Variants in DNMBP observed in about 807,000 individuals in gnomAD.
DNMBP encodes dynamin-binding protein.
DNMBP carries 87 observed loss-of-function variants against 150.0 expected under a neutral mutation model. The ratio of observed to expected loss-of-function variants is 0.58; its 90% CI spans 0.49 to 0.69. DNMBP has a LOEUF of 0.69. Among genes scored for constraint, DNMBP ranks in the 30% least tolerant of loss-of-function variants. DNMBP has a pLI of 0.00. For synonymous variants in DNMBP, 711 were observed against 750.4 expected, an observed-to-expected ratio of 0.95 and a Z score of 0.86; for missense variants, 1,774 against 1,949.0, an observed-to-expected ratio of 0.91 and a Z score of 1.69.
intron 4 of DNMBP, among the ~76,000 whole-genome samples, chr10:99,916,545 T>A (rs1168895619): frequency 4.1e-4 from 63 of 152,168 alleles, no homozygotes; most frequent in Admixed American, 4.1e-3. Context: ...GCAGAAATTA[T>A]GTGAAATGAA....
chr10:99,982,316 C>T (rs369392423), intron 1 of DNMBP, among the ~76,000 whole-genome samples: 1 of 151,930 alleles, frequency 6.6e-6, no homozygotes, highest in African/African-American at 2.4e-5. Context: ...TGGTAGTGCA[C>T]GCCTGTAGTC....
Position 99,966,788 on chromosome 10 carries a change from G to GT in DNMBP, c.268+2326dup, listed in dbSNP as rs944241729. Among the ~76,000 whole-genome samples the GT allele has an allele frequency of 6.2e-3, 910 of 147,652 alleles. 11 individuals are homozygous for GT. Among genetic ancestry groups the GT allele is most frequent in the Middle Eastern group, 0.024 (7 of 290 alleles). On this transcript the variant is annotated intron_variant, in intron 3 of 16. Transcript: ENST00000324109. ...GCGTTTTCTCTCGTTAATACGTTTT[G>GT]TTTTTTTTTTGAAACAAGGTCTTGT...
At chr10:99,985,918 T>A (rs1004793286) in intron 1 of DNMBP, among the ~76,000 whole-genome samples, 1 of 152,084 alleles carries the variant, frequency 6.6e-6, no homozygotes, top group Non-Finnish European at 1.5e-5. Flanking sequence ...GCCTGGCTAA[T>A]TTTTTATATT....
chr10:99,987,579 T>G (rs2040842567), intron 1 of DNMBP, among the ~76,000 whole-genome samples: 3 of 151,622 alleles, frequency 2.0e-5, no homozygotes, highest in Admixed American at 2.0e-4. Context: ...ACTAAAAATA[T>G]AAAAATTAGC....
At chr10:99,942,861 A>G (rs1011449635) in intron 4 of DNMBP, among the ~76,000 whole-genome samples, 5 of 152,206 alleles carry the variant, frequency 3.3e-5, no homozygotes, top group Admixed American at 1.3e-4. Context: ...CTCTGAGCTC[A>G]TTTTTACTGA....
chr10:99,878,153 G>C (rs1035466853), intron 16 of DNMBP, among the ~76,000 whole-genome samples: 1 of 152,172 alleles, frequency 6.6e-6, no homozygotes, highest in Non-Finnish European at 1.5e-5. Context: ...GGTGGAAGAC[G>C]AGCATACTCT....
intron 4 of DNMBP, among the ~76,000 whole-genome samples, chr10:99,953,804 ACT>A (rs1053282048): frequency 6.7e-6 from 1 of 150,340 alleles, no homozygotes; most frequent in African/African-American, 2.4e-5. Flanking sequence ...ACAGAGTAAG[ACT>A]CTGTCTCAAA....
At chr10:99,981,725 G>A (rs1237023363) in intron 1 of DNMBP, among the ~76,000 whole-genome samples, 1 of 152,148 alleles carries the variant, frequency 6.6e-6, no homozygotes, top group Non-Finnish European at 1.5e-5. Context: ...CACCAGAACT[G>A]AACAAGGCCT....
At chr10:99,943,298 CAA>C (rs796198897) in intron 4 of DNMBP, among the ~76,000 whole-genome samples, 1 of 137,944 alleles carries the variant, frequency 7.2e-6, no homozygotes. Flanking sequence ...AAAAAACCAA[CAA>C]AAAAAAAAAA....
intron 4 of DNMBP, among the ~76,000 whole-genome samples, chr10:99,950,186 C>G (rs568673825): frequency 6.6e-5 from 10 of 152,350 alleles, no homozygotes; most frequent in African/African-American, 2.4e-4. Flanking sequence ...CGCACAAGCT[C>G]TCTCTTTGCC....
At chr10:99,904,114 G>T (rs1167043298) in intron 6 of DNMBP, among the ~76,000 whole-genome samples, 2 of 152,070 alleles carry the variant, frequency 1.3e-5, no homozygotes, top group African/African-American at 2.4e-5. Flanking sequence ...AATTAGCTGG[G>T]TGTGGTGGTA....
Position 99,909,070 on chromosome 10 carries a change from C to A in DNMBP, c.2337G>T (p.Gln779His), listed in dbSNP as rs774576630. Residue 779 changes from glutamine to histidine, a missense_variant, in exon 5 of 17, where the codon CAG (glutamine) becomes CAT (histidine). By Grantham distance (24) the Gln-to-His change is conservative. Coordinates refer to ENST00000324109, the MANE Select transcript of DNMBP (RefSeq NM_015221.4). ...SGSVSAENPEQRMLEKRAKVI... is the reference protein window; with the variant it reads ...SGSVSAENPEHRMLEKRAKVI... ...CCTTGGCTCTCTTCTCCAGCATCCT[C>A]TGCTCTGGATTTTCGGCAGACACAG... is the stretch of plus-strand genomic sequence containing the variant. The A allele has an allele frequency of 6.2e-7, 1 of 1,614,164 alleles. No homozygotes were observed. The highest frequency in any genetic ancestry group is 8.5e-7 in the Non-Finnish European group (1 of 1,180,022).
Position 99,970,971 on chromosome 10 carries a change from CAAAAAAA to C in DNMBP, c.145+1002_145+1008del, listed in dbSNP as rs532226561. ...TGGGCAACAGAGCAAGACTCCGTCT[CAAAAAAA>C]AAAAAAAAAAAAAAAAAAAAGGAAA... On this transcript the variant is annotated intron_variant, in intron 2 of 16. Coordinates refer to ENST00000324109, the MANE Select transcript of DNMBP (RefSeq NM_015221.4). Among the ~76,000 whole-genome samples, 241 of 33,192 alleles carry C rather than the reference CAAAAAAA, an allele frequency of 7.3e-3. 5 individuals carry two copies. Among genetic ancestry groups the C allele is most frequent in the Middle Eastern group, 0.021 (1 of 48 alleles). The allele number at this position is 33,192 out of a possible 152,430, so 21.8% of individuals were successfully genotyped here. A position where few individuals can be genotyped will look rare whatever the true frequency, so the allele number is the denominator to read the frequency against.
At chr10:99,907,838 G>C (rs1195452132) in intron 6 of DNMBP, among the ~76,000 whole-genome samples, 157 bp downstream of exon 6, 1 of 152,202 alleles carries the variant, frequency 6.6e-6, no homozygotes, top group Non-Finnish European at 1.5e-5. Context: ...AAAGTAGGCT[G>C]AGACAGAAGG....
intron 4 of DNMBP, among the ~76,000 whole-genome samples, chr10:99,914,802 A>T (rs1214194800): frequency 6.6e-6 from 1 of 152,022 alleles, no homozygotes; most frequent in Non-Finnish European, 1.5e-5. Flanking sequence ...ATATAAACAT[A>T]TAGGCTGGGC....
intron 5 of DNMBP, among the ~76,000 whole-genome samples, chr10:99,908,708 A>C (rs1309092278): frequency 6.6e-6 from 1 of 152,220 alleles, no homozygotes; most frequent in African/African-American, 2.4e-5. Flanking sequence ...CCACAGAAAC[A>C]GGAAGTGTCC....
intron 1 of DNMBP, among the ~76,000 whole-genome samples, chr10:100,003,333 C>T (rs1276088048): frequency 2.7e-5 from 4 of 150,604 alleles, no homozygotes; most frequent in South Asian, 4.2e-4. Context: ...GGCGACAGAG[C>T]GAGACTCCAT....
chr10:99,956,582 T>A lies in DNMBP; in HGVS notation c.892A>T (p.Lys298Ter). The change falls in exon 4 of 17, where the codon AAA becomes TAA. Residue 298 changes from lysine (K) to a stop codon, truncating the protein, a stop_gained. Transcript: ENST00000324109. LOFTEE classifies it high-confidence loss of function. The stretch of plus-strand genomic sequence containing the variant: ...TCCACCCGTGTGTCAGGACATAATT[T>A]CACAAACCGGTAAGGAAAGATGCCT... ...RTGIFPYRFV[K>*]LCPDTRVEET... The A allele has an allele frequency of 6.2e-7, 1 of 1,614,104 alleles. No homozygotes were observed. The highest frequency in any genetic ancestry group is 8.5e-7 in the Non-Finnish European group (1 of 1,180,008).
intron 4 of DNMBP, among the ~76,000 whole-genome samples, chr10:99,912,492 C>A (rs1472654319): frequency 6.6e-6 from 1 of 152,114 alleles, no homozygotes; most frequent in African/African-American, 2.4e-5. Context: ...TGTGCCCCCA[C>A]CCCCCGAAAA....
Sources: allele counts gnomAD v4.1 joint callset (sites outside exome capture counted in the v4.1 genomes callset), GRCh38; gene constraint gnomAD v4.1.1; transcripts MANE v1.5; gene names NCBI Gene and HGNC (gene_info 2026-07-23, HGNC 2026-07-21).